PRKCZ: variants seen among roughly 807,000 people sequenced by gnomAD.
PRKCZ encodes protein kinase C zeta.
A neutral mutation model predicts 79.5 loss-of-function variants in PRKCZ; 33 were observed. The ratio of observed to expected loss-of-function variants is 0.41; its 90% CI spans 0.31 to 0.55. The LOEUF (loss-of-function observed/expected upper bound fraction) is 0.55. Among genes scored for constraint, PRKCZ ranks in the 20% least tolerant of loss-of-function variants. PRKCZ has a pLI of 0.19. For synonymous variants in PRKCZ, 342 were observed against 320.9 expected (o/e 1.07, Z -0.70); for missense variants, 578 against 813.5 (o/e 0.71, Z 3.52).
chr1:2,174,463 C>T lies in PRKCZ; in HGVS notation c.1406-291C>T, dbSNP rs1572006129. On this transcript the variant is annotated intron_variant, in intron 14 of 17. Transcript: ENST00000378567. The surrounding 1 kb of genome is among the most constrained non-coding windows in gnomAD (Gnocchi z 6.2). ...GGAACGCGGCTGTCTCCGCGGTGCC[C>T]TCTGGTGGCCAGCCTGCAGAGGCAC... 6.6e-6 allele frequency among the ~76,000 whole-genome samples: 1 copy of T among 152,380 alleles called. No homozygotes were observed. Among genetic ancestry groups the T allele is most frequent in the East Asian group, 1.9e-4 (1 of 5,186 alleles).
At chr1:2,135,987 T>C (rs930737008) in intron 5 of PRKCZ, among the ~76,000 whole-genome samples, 1 of 152,032 alleles carries the variant, frequency 6.6e-6, no homozygotes, top group Admixed American at 6.6e-5. Context: ...ACAGGGAGTG[T>C]CTTGGGGGTG....
rs1674278392 is a variant in PRKCZ, at chr1:2,128,000, A to C, written c.335-7262A>C. 1.3e-5 allele frequency among the ~76,000 whole-genome samples: 2 copies of C among 152,324 alleles called. No homozygotes were observed. The highest frequency in any genetic ancestry group is 6.5e-5 in the Admixed American group (1 of 15,306). On this transcript the variant is annotated intron_variant, in intron 4 of 17. Transcript: ENST00000378567. The surrounding 1 kb of genome is among the most constrained non-coding windows in gnomAD (Gnocchi z 5.1). ...GGGTGCTGGGGAAGCCTGGAGAGGA[A>C]GCCAGGTGGCCCCAGGCTCCTGGAG...
chr1:2,118,761 AG>A (rs1671277947), intron 4 of PRKCZ, among the ~76,000 whole-genome samples: 1 of 59,576 alleles, frequency 1.7e-5, no homozygotes, highest in Non-Finnish European at 4.3e-5. Flanking sequence ...GTGTGAGATG[AG>A]GGGAGGGAGG....
chr1:2,114,966 C>T (rs187996057), intron 4 of PRKCZ, among the ~76,000 whole-genome samples: 2 of 152,352 alleles, frequency 1.3e-5, no homozygotes, highest in African/African-American at 4.8e-5. Flanking sequence ...TTCAACTCCA[C>T]GAGTTTTTAC....
intron 4 of PRKCZ, chr1:2,074,374 C>T: frequency 2.0e-6 from 3 of 1,486,062 alleles, no homozygotes; most frequent in Non-Finnish European, 2.7e-6. Context: ...GCCTGCCTGG[C>T]CCCAGGGAGT....
chr1:2,076,278 C>G, intron 4 of PRKCZ, among the ~76,000 whole-genome samples: 1 of 152,188 alleles, frequency 6.6e-6, no homozygotes, highest in East Asian at 1.9e-4. Context: ...CTGGCCATCT[C>G]CCCACCTCCC....
chr1:2,073,040 G>C (rs1322559589), intron 4 of PRKCZ, among the ~76,000 whole-genome samples: 1 of 152,156 alleles, frequency 6.6e-6, no homozygotes, highest in Non-Finnish European at 1.5e-5. Context: ...ACCAGGGTAG[G>C]GGTTGGAGGG....
chr1:2,120,306 T>TTG (rs1671627683), intron 4 of PRKCZ, among the ~76,000 whole-genome samples: 2 of 131,040 alleles, frequency 1.5e-5, no homozygotes, highest in Admixed American at 7.6e-5. Flanking sequence ...TTTTTTTTTT[T>TTG]TTTTTTTTTT....
Position 2,173,872 on chromosome 1 carries a change from G to A in PRKCZ, c.1286-25G>A, listed in dbSNP as rs747587530. ...CTGCCGGCCCATGTGGCCCCACTCG[G>A]TGATGGCTGTGTGCTCTCCCCCAGG... On this transcript the variant is annotated intron_variant, in intron 13 of 17. Transcript: ENST00000378567. This position sits in a 1 kb window ranked among gnomAD's most constrained non-coding sequence, Gnocchi z 5.7. 2 of 1,564,280 alleles carry A rather than the reference G, an allele frequency of 1.3e-6. No individual in the cohort carries two copies. The highest frequency in any genetic ancestry group is 2.4e-5 in the East Asian group (1 of 42,058).
intron 4 of PRKCZ, among the ~76,000 whole-genome samples, chr1:2,062,965 C>T (rs974138978): frequency 5.3e-5 from 8 of 152,146 alleles, no homozygotes; most frequent in Non-Finnish European, 7.4e-5. Flanking sequence ...ACCCACCCGC[C>T]GCTTTCTGTT....
intron 8 of PRKCZ, 126 bp from the exon 9 acceptor site, chr1:2,150,664 C>T (rs186632180): frequency 2.1e-6 from 2 of 966,362 alleles, no homozygotes; most frequent in Admixed American, 2.7e-5. Flanking sequence ...AGAACTGAGA[C>T]TCGAATCATG....
In PRKCZ at chr1:2,127,871, G is replaced by A. The variant is rs1674252119; in HGVS notation, c.335-7391G>A. 6.6e-6 allele frequency among the ~76,000 whole-genome samples: 1 copy of A among 152,252 alleles called. No individual in the cohort carries two copies. Among genetic ancestry groups the A allele is most frequent in the African/African-American group, 2.4e-5 (1 of 41,470 alleles). On this transcript the variant is annotated intron_variant, in intron 4 of 17. Coordinates refer to ENST00000378567, the MANE Select transcript of PRKCZ (RefSeq NM_002744.6). This position sits in a 1 kb window ranked among gnomAD's most constrained non-coding sequence, Gnocchi z 5.1. ...CCCACCCCAAACCCCAAACTCCAGT[G>A]TCTGGGCCACGGGCAGCCCTGGGAC...
chr1:2,100,844 T>G (rs1434116240), intron 4 of PRKCZ, among the ~76,000 whole-genome samples: 1 of 152,076 alleles, frequency 6.6e-6, no homozygotes. Context: ...AGATGACATT[T>G]TAATTCTATC....
intron 4 of PRKCZ, among the ~76,000 whole-genome samples, chr1:2,083,257 C>A (rs931841084): frequency 2.0e-5 from 3 of 152,012 alleles, no homozygotes; most frequent in African/African-American, 7.3e-5. Context: ...CACTGCCTGT[C>A]CCTCCCTGCA....
chr1:2,061,335 T>G (rs1660657246), intron 4 of PRKCZ, among the ~76,000 whole-genome samples: 1 of 150,962 alleles, frequency 6.6e-6, no homozygotes, highest in Admixed American at 6.6e-5. Flanking sequence ...TCTCTGCCCG[T>G]GTGGACAACC....
At chr1:2,153,775 A>G (rs1012545170) in intron 9 of PRKCZ, among the ~76,000 whole-genome samples, 21 of 152,222 alleles carry the variant, frequency 1.4e-4, no homozygotes, top group African/African-American at 5.1e-4. Context: ...TTCTGTCTTG[A>G]AATCATCCTC....
chr1:2,177,468 A>T lies in PRKCZ; in HGVS notation c.1575+2155A>T, dbSNP rs1200799564. Among the ~76,000 whole-genome samples the T allele has an allele frequency of 1.3e-5, 2 of 152,088 alleles. No homozygotes were observed. Among genetic ancestry groups the T allele is most frequent in the Non-Finnish European group, 2.9e-5 (2 of 68,008 alleles). ...AGCCTTGGTGCCAGCCGGGCCCCTG[A>T]TCTTGTCTCTCAACCACTCTTGGTT... On this transcript the variant is annotated intron_variant, in intron 16 of 17. Coordinates refer to ENST00000378567, the MANE Select transcript of PRKCZ (RefSeq NM_002744.6). The surrounding 1 kb of genome is among the most constrained non-coding windows in gnomAD (Gnocchi z 6.4).
rs1668629476 is a variant in PRKCZ, at chr1:2,106,835, ACACG to A, written c.335-28426_335-28423del. Among the ~76,000 whole-genome samples the A allele has an allele frequency of 1.2e-3, 125 of 103,982 alleles. 1 individual carries two copies. The highest frequency in any genetic ancestry group is 2.4e-3 in the African/African-American group (72 of 30,478). 68.2% of individuals were successfully genotyped at this position (103,982 alleles called of 152,430 possible). A position where few individuals can be genotyped will look rare whatever the true frequency, so the allele number is the denominator to read the frequency against. ...GCCCCTCTGGTGGGCGAGGACCTCCACACGTGTCACCAGGCCAGGCGACTCTTCA... is the reference window on the plus strand; with the variant it reads ...GCCCCTCTGGTGGGCGAGGACCTCCATGTCACCAGGCCAGGCGACTCTTCA... On this transcript the variant is annotated intron_variant, in intron 4 of 17. Transcript: ENST00000378567.
At chr1:2,148,945 G>C (rs368680606) in intron 8 of PRKCZ, 21 bp downstream of exon 8, 3 of 1,611,758 alleles carry the variant, frequency 1.9e-6, no homozygotes, top group East Asian at 2.2e-5. Context: ...GGAGCAGCTC[G>C]CTGCCATTTC....
Sources: allele counts gnomAD v4.1 joint callset (sites outside exome capture counted in the v4.1 genomes callset), GRCh38; gene constraint gnomAD v4.1.1; non-coding constraint Gnocchi (gnomAD v3.1); transcripts MANE v1.5; gene names NCBI Gene and HGNC (gene_info 2026-07-23, HGNC 2026-07-21).